The following ME3 variants were observed in gnomAD, a reference collection of about 807,000 sequenced individuals.
The protein encoded by ME3 is malic enzyme 3, also known as NADP-dependent malic enzyme, mitochondrial.
A neutral mutation model predicts 68.9 loss-of-function variants in ME3; 48 were observed. The observed-to-expected ratio is 0.70, with a 90% CI of 0.55 to 0.89. The LOEUF (loss-of-function observed/expected upper bound fraction) is 0.89, where lower values mean the gene tolerates loss of function less well. Ranked by LOEUF, ME3 falls within the 40% of genes least tolerant of loss-of-function variation. The probability of loss-of-function intolerance (pLI) is 0.00; values close to 1 mark genes in which losing one functional copy is unlikely to be tolerated. For synonymous variants in ME3, 320 were observed against 318.8 expected (o/e 1.00, Z -0.04); for missense variants, 675 against 797.4 (o/e 0.85, Z 1.85).
At chr11:86,535,086 T>C (rs10898496) in intron 4 of ME3, among the ~76,000 whole-genome samples, 31,487 of 151,420 alleles carry the variant, frequency 0.21, 3,445 homozygotes, top group African/African-American at 0.27. Context: ...ATCAAAATCA[T>C]TTACCTATTT....
intron 3 of ME3, among the ~76,000 whole-genome samples, chr11:86,557,269 CTCT>C (rs1427916139): frequency 6.6e-6 from 1 of 152,134 alleles, no homozygotes; most frequent in African/African-American, 2.4e-5. Flanking sequence ...AAAATAATCT[CTCT>C]TTTACCTAAT....
At chr11:86,462,311 T>C in intron 8 of ME3, among the ~76,000 whole-genome samples, 1 of 152,252 alleles carries the variant, frequency 6.6e-6, no homozygotes, top group East Asian at 1.9e-4. Flanking sequence ...AGGTATGTCA[T>C]GCATACATAA....
intron 7 of ME3, among the ~76,000 whole-genome samples, chr11:86,475,874 T>TATATATATATATATATAGAGAGAG: frequency 1.4e-4 from 13 of 91,454 alleles, no homozygotes; most frequent in South Asian, 4.1e-4. Context: ...TATATATATA[T>TATATATATATATATATAGAGAGAG]AGAGAGAGAG....
intron 4 of ME3, among the ~76,000 whole-genome samples, chr11:86,540,413 G>T (rs1279576374): frequency 6.6e-6 from 1 of 152,020 alleles, no homozygotes; most frequent in Non-Finnish European, 1.5e-5. Flanking sequence ...CAAGGCTCTG[G>T]GTCTCTTCTT....
chr11:86,486,789 G>C (rs1268897391), intron 7 of ME3, among the ~76,000 whole-genome samples: 1 of 152,190 alleles, frequency 6.6e-6, no homozygotes, highest in Non-Finnish European at 1.5e-5. Context: ...AGACAGATGG[G>C]GCAGGCAAGT....
intron 4 of ME3, among the ~76,000 whole-genome samples, chr11:86,520,600 C>T (rs755530087): frequency 1.3e-5 from 2 of 152,130 alleles, no homozygotes; most frequent in African/African-American, 4.8e-5. Context: ...CTTCTAGGGC[C>T]CCTTGGCCCT....
chr11:86,535,986 C>A (rs1955624241), intron 4 of ME3, among the ~76,000 whole-genome samples: 1 of 152,208 alleles, frequency 6.6e-6, no homozygotes, highest in African/African-American at 2.4e-5. Context: ...TGTCTCCTGA[C>A]CACTGGAAGT....
chr11:86,482,906 A>G (rs1951493212), intron 7 of ME3, among the ~76,000 whole-genome samples: 1 of 152,178 alleles, frequency 6.6e-6, no homozygotes, highest in African/African-American at 2.4e-5. Context: ...ACTCCAGCTG[A>G]GTCAGTTCAG....
chr11:86,529,406 A>G (rs1393245097), intron 4 of ME3, among the ~76,000 whole-genome samples: 1 of 152,238 alleles, frequency 6.6e-6, no homozygotes, highest in African/African-American at 2.4e-5. Flanking sequence ...AGATGGATTC[A>G]CAGCCGAATT....
At chr11:86,446,205 G>A in intron 13 of ME3, 109 bp downstream of exon 13, 3 of 1,300,200 alleles carry the variant, frequency 2.3e-6, no homozygotes, top group Non-Finnish European at 2.1e-6. Context: ...GGAATCCACT[G>A]GCAATGTTGG....
intron 2 of ME3, among the ~76,000 whole-genome samples, chr11:86,621,648 T>C (rs370128351): frequency 1.3e-5 from 2 of 152,126 alleles, no homozygotes; most frequent in African/African-American, 4.8e-5. Context: ...TAGGGTTGTA[T>C]TCAAATTCAA....
intron 2 of ME3, among the ~76,000 whole-genome samples, chr11:86,617,513 G>T (rs530196857): frequency 6.6e-6 from 1 of 152,272 alleles, no homozygotes; most frequent in South Asian, 2.1e-4. Flanking sequence ...AAAGGTAGGT[G>T]TACTGAGAAG....
At position 86,453,882 on chromosome 11, in the gene ME3, C is replaced by T. The variant is rs973488368; in HGVS notation, c.920-3484G>A. 2.6e-5 allele frequency among the ~76,000 whole-genome samples: 4 copies of T among 152,246 alleles called. No homozygotes were observed. In the South Asian group the frequency reaches 8.3e-4, roughly 31 times the overall value. On this transcript the variant is annotated intron_variant, in intron 8 of 14. Coordinates refer to ENST00000543262, the Ensembl canonical transcript of ME3. Reference sequence around the variant, plus strand: ...CACCAACGCCACTAACTGCCACCTCCTCTTTCCTTTGTTCCCTTAGCCTCA... The same window carrying T: ...CACCAACGCCACTAACTGCCACCTCTTCTTTCCTTTGTTCCCTTAGCCTCA...
intron 4 of ME3, among the ~76,000 whole-genome samples, chr11:86,555,115 A>C (rs1382857847): frequency 6.6e-6 from 1 of 152,168 alleles, no homozygotes; most frequent in Non-Finnish European, 1.5e-5. Flanking sequence ...AGACAGGACC[A>C]TACGTGCCAA....
At chr11:86,523,102 A>C (rs1051470289) in intron 4 of ME3, among the ~76,000 whole-genome samples, 1 of 152,212 alleles carries the variant, frequency 6.6e-6, no homozygotes, top group Non-Finnish European at 1.5e-5. Context: ...CCTCAGTCCT[A>C]CTGTTGGCTC....
At chr11:86,502,487 C>A (rs568299754) in intron 5 of ME3, among the ~76,000 whole-genome samples, 7 of 152,308 alleles carry the variant, frequency 4.6e-5, no homozygotes, top group African/African-American at 1.4e-4. Context: ...TGTGATAGAT[C>A]CAACAGAGAA....
chr11:86,516,371 T>C (rs7125970), intron 4 of ME3, among the ~76,000 whole-genome samples: 20 of 49,702 alleles, frequency 4.0e-4, no homozygotes, highest in South Asian at 3.3e-3. Context: ...CTCTCTCTCT[T>C]TGTGTGTGTG....
At chr11:86,536,767 C>G (rs1955692500) in intron 4 of ME3, among the ~76,000 whole-genome samples, 1 of 151,374 alleles carries the variant, frequency 6.6e-6, no homozygotes, top group African/African-American at 2.4e-5. Flanking sequence ...ACCATTTGAC[C>G]CAGCCATCCC....
rs532520562 is a variant in ME3 at position 86,611,819 on chromosome 11, C to T, written c.184-51996G>A. Among the ~76,000 whole-genome samples, 5 of 152,270 alleles carry T rather than the reference C, an allele frequency of 3.3e-5. No homozygotes were observed. In the South Asian group the frequency reaches 8.3e-4, roughly 25 times the overall value. On this transcript the variant is annotated intron_variant, in intron 2 of 14. Transcript: ENST00000543262. ...ATCTGTAAAATGGGGGTATTAATAGCTACCATCTGAAAAAGTTGCTGAGAG... is the reference window on the plus strand; with the variant it reads ...ATCTGTAAAATGGGGGTATTAATAGTTACCATCTGAAAAAGTTGCTGAGAG...
Sources: gnomAD v4.1 joint callset for allele counts (sites outside exome capture counted in the v4.1 genomes callset) on GRCh38, gnomAD v4.1.1 for gene constraint, MANE v1.5 for transcripts, NCBI Gene and HGNC (gene_info 2026-07-23, HGNC 2026-07-21) for gene names.